FUBP3: variants seen among roughly 807,000 people sequenced by gnomAD.
FUBP3 encodes the protein far upstream element binding protein 3, also known as far upstream element-binding protein 3.
In FUBP3, 28 loss-of-function variants were observed where a neutral mutation model predicts 85.6. The ratio of observed to expected loss-of-function variants is 0.33; its 90% confidence interval spans 0.24 to 0.45. The LOEUF is 0.45. FUBP3 is among the 20% of genes least tolerant of loss of function. The pLI, the probability that FUBP3 is intolerant of heterozygous loss-of-function variation, is 1.00. For synonymous variants in FUBP3, 271 were observed against 271.4 expected, an observed-to-expected ratio of 1.00 and a Z score of 0.01; for missense variants, 583 against 755.1, an observed-to-expected ratio of 0.77 and a Z score of 2.67.
Position 130,635,098 on chromosome 9 carries a change from C to G in FUBP3, c.1582+360C>G, listed in dbSNP as rs1413706142. Among the ~76,000 whole-genome samples the G allele has an allele frequency of 1.3e-5, 2 of 152,186 alleles. No homozygotes were observed. Among genetic ancestry groups the G allele is most frequent in the Non-Finnish European group, 2.9e-5 (2 of 68,048 alleles). On this transcript the variant is annotated intron_variant, in intron 17 of 18. Coordinates refer to ENST00000319725, the MANE Select transcript of FUBP3 (RefSeq NM_003934.2). This position sits in a 1 kb window ranked among gnomAD's most constrained non-coding sequence, Gnocchi z 4.3. The stretch of plus-strand genomic sequence containing the variant: ...GGCTGGGTGCCACCTGGCCGGCAAA[C>G]AGACCAACCAGACATCTTGTTCTCT...
chr9:130,621,413 TC>T (rs1471799478), intron 9 of FUBP3, among the ~76,000 whole-genome samples: 3 of 152,166 alleles, frequency 2.0e-5, no homozygotes, highest in African/African-American at 7.2e-5. Context: ...GGCTCACTCC[TC>T]CCAGGAGATC....
intron 11 of FUBP3, among the ~76,000 whole-genome samples, chr9:130,624,526 C>T (rs1307213571): frequency 3.3e-5 from 5 of 152,092 alleles, no homozygotes; most frequent in Non-Finnish European, 5.9e-5. Flanking sequence ...GCTCGTTCAG[C>T]CTGTGGGCTG....
At chr9:130,588,001 A>G (rs528529749) in intron 1 of FUBP3, among the ~76,000 whole-genome samples, 2 of 152,284 alleles carry the variant, frequency 1.3e-5, no homozygotes, top group South Asian at 4.1e-4. Flanking sequence ...AGAATTCTTT[A>G]TTTCAATTAT....
intron 12 of FUBP3, among the ~76,000 whole-genome samples, chr9:130,627,929 C>G (rs1202129775): frequency 1.3e-5 from 2 of 152,118 alleles, no homozygotes; most frequent in Non-Finnish European, 2.9e-5. Context: ...GTTGGTCCTC[C>G]ACAAAGTCAT....
chr9:130,614,791 G>C (rs1030075790), intron 6 of FUBP3, among the ~76,000 whole-genome samples: 1 of 152,164 alleles, frequency 6.6e-6, no homozygotes, highest in Non-Finnish European at 1.5e-5. Flanking sequence ...TCAACTCTTC[G>C]TGACTTTGCT....
At chr9:130,585,503 A>G (rs1222348577) in intron 1 of FUBP3, among the ~76,000 whole-genome samples, 1 of 152,182 alleles carries the variant, frequency 6.6e-6, no homozygotes, top group Non-Finnish European at 1.5e-5. Flanking sequence ...CTTTCCTAGC[A>G]TTTGATCTAT....
At position 130,635,957 on chromosome 9, in the gene FUBP3, C is replaced by T. The variant is rs200276455; in HGVS notation, c.1583-42C>T. 1.9e-6 allele frequency: 3 copies of T among 1,602,024 alleles called. No individual in the cohort carries two copies. The highest frequency in any genetic ancestry group is 2.2e-5 in the East Asian group (1 of 44,842). On this transcript the variant is annotated intron_variant, in intron 17 of 18. Coordinates refer to ENST00000319725, the MANE Select transcript of FUBP3 (RefSeq NM_003934.2). This position sits in a 1 kb window ranked among gnomAD's most constrained non-coding sequence, Gnocchi z 4.3. ...TTTGGGAAGGGTCCTGCCCAGTGCACCTCCGCTCCCGATAACCTGTGTTTC... is the reference window on the plus strand; with the variant it reads ...TTTGGGAAGGGTCCTGCCCAGTGCATCTCCGCTCCCGATAACCTGTGTTTC...
chr9:130,585,001 A>AAT (rs1250635836), intron 1 of FUBP3, among the ~76,000 whole-genome samples: 4 of 152,116 alleles, frequency 2.6e-5, no homozygotes, highest in Non-Finnish European at 5.9e-5. Context: ...CTCCACTTAA[A>AAT]ATACAAAAAT....
chr9:130,601,338 C>A (rs1219407064), intron 2 of FUBP3, among the ~76,000 whole-genome samples: 1 of 152,220 alleles, frequency 6.6e-6, no homozygotes, highest in Admixed American at 6.5e-5. Flanking sequence ...GAAGTCACTT[C>A]CCATTTGTCC....
At chr9:130,611,439 G>A (rs1383855484) in intron 3 of FUBP3, among the ~76,000 whole-genome samples, 3 of 152,134 alleles carry the variant, frequency 2.0e-5, no homozygotes, top group Non-Finnish European at 1.5e-5. Context: ...AGAGAATCCC[G>A]TCTTGTTCAT....
At chr9:130,581,518 G>C (rs1003153218) in intron 1 of FUBP3, 1 of 152,204 alleles carries the variant, frequency 6.6e-6, no homozygotes, top group African/African-American at 2.4e-5. Context: ...AACCAGGTTG[G>C]TGGGTAATTT....
intron 3 of FUBP3, among the ~76,000 whole-genome samples, chr9:130,611,357 A>G (rs992031462): frequency 2.0e-5 from 3 of 152,148 alleles, no homozygotes; most frequent in Admixed American, 6.5e-5. Context: ...ATTCACATCC[A>G]TGGTGTTACT....
intron 2 of FUBP3, among the ~76,000 whole-genome samples, chr9:130,601,467 T>C (rs192232112): frequency 1.6e-4 from 24 of 152,240 alleles, no homozygotes; most frequent in Admixed American, 5.9e-4. Context: ...TTCTGTGTAG[T>C]GGGTGGCACC....
chr9:130,585,363 T>G lies in FUBP3; in HGVS notation c.84+5599T>G, dbSNP rs56975439. On this transcript the variant is annotated intron_variant, in intron 1 of 18. Coordinates refer to ENST00000319725, the MANE Select transcript of FUBP3 (RefSeq NM_003934.2). Reference sequence around the variant, plus strand: ...GGATGCCTAATTGACAGTTTTTTACTTATCTTTTTGTAAATTGTGAGTCAG... The same window carrying G: ...GGATGCCTAATTGACAGTTTTTTACGTATCTTTTTGTAAATTGTGAGTCAG... 9.6e-3 allele frequency among the ~76,000 whole-genome samples: 1,464 copies of G among 152,300 alleles called. 29 individuals carry two copies. Among genetic ancestry groups the G allele is most frequent in the African/African-American group, 0.034 (1,392 of 41,552 alleles).
intron 2 of FUBP3, among the ~76,000 whole-genome samples, chr9:130,599,014 CG>C (rs1296384178): frequency 6.6e-6 from 1 of 151,994 alleles, no homozygotes; most frequent in Admixed American, 6.6e-5. Context: ...TAAATAAGGC[CG>C]GGCACTGTGG....
intron 8 of FUBP3, 110 bp downstream of exon 8, chr9:130,618,005 T>C (rs1832094004): frequency 1.7e-6 from 1 of 602,274 alleles, no homozygotes; most frequent in African/African-American, 1.9e-5. Context: ...AGCTCCGTTA[T>C]TGAAGGTAAA....
chr9:130,583,883 T>C (rs529303828), intron 1 of FUBP3, among the ~76,000 whole-genome samples: 16 of 152,220 alleles, frequency 1.1e-4, no homozygotes, highest in African/African-American at 3.9e-4. Context: ...ACATTTATAA[T>C]GTGATAATTT....
intron 11 of FUBP3, among the ~76,000 whole-genome samples, chr9:130,625,083 C>T (rs1279502893): frequency 1.3e-5 from 2 of 152,194 alleles, no homozygotes; most frequent in African/African-American, 4.8e-5. Flanking sequence ...GTGGCGCATG[C>T]CTATAGTTTC....
In FUBP3 at chr9:130,635,733, C is replaced by G; in HGVS notation, c.1583-266C>G. 1 of 315,578 alleles carries G rather than the reference C, an allele frequency of 3.2e-6. No individual in the cohort carries two copies. The highest frequency in any genetic ancestry group is 4.7e-5 in the Admixed American group (1 of 21,402). The allele number at this position is 315,578 out of a possible 1,614,324, so 19.5% of individuals were successfully genotyped here. A position where few individuals can be genotyped will look rare whatever the true frequency, so the allele number is the denominator to read the frequency against. On this transcript the variant is annotated intron_variant, in intron 17 of 18. Transcript: ENST00000319725. This position sits in a 1 kb window ranked among gnomAD's most constrained non-coding sequence, Gnocchi z 4.3. The stretch of plus-strand genomic sequence containing the variant: ...GGGCCCTGGGAGCTGAAGGGGCAGG[C>G]AGGGAGATGCAGAGAATGCGCTTCC...
Sources: allele counts gnomAD v4.1 joint callset (sites outside exome capture counted in the v4.1 genomes callset), GRCh38; gene constraint gnomAD v4.1.1; non-coding constraint Gnocchi (gnomAD v3.1); transcripts MANE v1.5; gene names NCBI Gene and HGNC (gene_info 2026-07-23, HGNC 2026-07-21).